The following ARL15 variants were observed in gnomAD, a reference collection of about 807,000 sequenced individuals.
ARL15 encodes the protein ARF like GTPase 15.
A neutral mutation model predicts 25.2 loss-of-function variants in ARL15; 19 were observed. The ratio of observed to expected loss-of-function variants is 0.75; its 90% CI spans 0.53 to 1.10. The LOEUF is 1.10. ARL15 is among the 50% of genes least tolerant of loss of function. The pLI is 0.00. For missense variants in ARL15, 220 were observed against 246.0 expected (o/e 0.89, Z 0.71); for synonymous variants, 94 against 86.8 (o/e 1.08, Z -0.46).
chr5:54,101,538 C>T (rs1752438141), intron 4 of ARL15, among the ~76,000 whole-genome samples: 1 of 152,010 alleles, frequency 6.6e-6, no homozygotes, highest in Non-Finnish European at 1.5e-5. Flanking sequence ...ATTAAAGAAG[C>T]CTGTATTTCC....
chr5:54,122,647 G>C (rs1753119971), intron 3 of ARL15, among the ~76,000 whole-genome samples: 1 of 152,174 alleles, frequency 6.6e-6, no homozygotes, highest in African/African-American at 2.4e-5. Flanking sequence ...ATGGGTTAAG[G>C]CAGGGGGTGC....
intron 1 of ARL15, among the ~76,000 whole-genome samples, chr5:54,205,015 AC>A (rs1297349692): frequency 2.0e-5 from 3 of 148,510 alleles, no homozygotes; most frequent in Non-Finnish European, 4.4e-5. Context: ...GCTCACTGCA[AC>A]CTCCACCTCC....
intron 1 of ARL15, among the ~76,000 whole-genome samples, chr5:54,292,386 G>A (rs1457883622): frequency 6.6e-6 from 1 of 152,148 alleles, no homozygotes; most frequent in Non-Finnish European, 1.5e-5. Flanking sequence ...CTATGTTTCT[G>A]ACATGTCGTG....
intron 4 of ARL15, among the ~76,000 whole-genome samples, chr5:53,943,690 T>C (rs971172022): frequency 9.9e-5 from 15 of 152,106 alleles, no homozygotes; most frequent in African/African-American, 3.6e-4. Flanking sequence ...AGTGGGTGGC[T>C]GAGATAGAGT....
chr5:54,196,258 A>G (rs947355645), intron 1 of ARL15, among the ~76,000 whole-genome samples: 4 of 152,108 alleles, frequency 2.6e-5, no homozygotes, highest in Non-Finnish European at 5.9e-5. Context: ...ACATTCATCA[A>G]AAAGATCACA....
intron 4 of ARL15, among the ~76,000 whole-genome samples, chr5:54,096,132 A>G (rs947111321): frequency 6.6e-6 from 1 of 152,222 alleles, no homozygotes. Context: ...TGCCTGATAC[A>G]ATGTATGTGA....
At chr5:54,115,621 C>G (rs1752876784) in intron 3 of ARL15, among the ~76,000 whole-genome samples, 4 of 151,992 alleles carry the variant, frequency 2.6e-5, no homozygotes, top group Admixed American at 2.6e-4. Context: ...ATTTTCAGGT[C>G]CTAAAATCTG....
chr5:54,106,200 A>C (rs1240036488), intron 4 of ARL15, among the ~76,000 whole-genome samples: 1 of 152,228 alleles, frequency 6.6e-6, no homozygotes, highest in Non-Finnish European at 1.5e-5. Context: ...ACTATGTATT[A>C]ACATGGTTAG....
At chr5:53,887,174 C>T (rs1744554841) in intron 4 of ARL15, among the ~76,000 whole-genome samples, 2 of 152,168 alleles carry the variant, frequency 1.3e-5, no homozygotes, top group East Asian at 1.9e-4. Context: ...CCATCAAGCA[C>T]ATAACACAAC....
chr5:54,270,091 T>G (rs1396190234), intron 1 of ARL15, among the ~76,000 whole-genome samples: 1 of 152,252 alleles, frequency 6.6e-6, no homozygotes, highest in Admixed American at 6.5e-5. Context: ...TGTAAAATCA[T>G]TCAATTCTTT....
At chr5:53,945,498 C>T (rs57015520) in intron 4 of ARL15, among the ~76,000 whole-genome samples, 3,216 of 152,218 alleles carry the variant, frequency 0.021, 107 homozygotes, top group African/African-American at 0.073. Flanking sequence ...TCCACTTTCT[C>T]AAACTACCTC....
chr5:54,293,527 T>C (rs1376182855), intron 1 of ARL15, among the ~76,000 whole-genome samples: 3 of 152,168 alleles, frequency 2.0e-5, no homozygotes, highest in Non-Finnish European at 4.4e-5. Flanking sequence ...AAATAACTCA[T>C]AGTAAAGTGA....
intron 4 of ARL15, among the ~76,000 whole-genome samples, chr5:53,922,566 G>A (rs911979290): frequency 1.3e-5 from 2 of 152,196 alleles, no homozygotes; most frequent in Non-Finnish European, 2.9e-5. Context: ...CAGTGCTGTA[G>A]TGCAGTTCTA....
intron 1 of ARL15, among the ~76,000 whole-genome samples, chr5:54,194,075 T>C (rs1046133469): frequency 1.3e-5 from 2 of 152,158 alleles, no homozygotes; most frequent in African/African-American, 4.8e-5. Context: ...TCGCCATGCA[T>C]TGGAATTATT....
At chr5:54,245,420 C>T (rs1420917527) in intron 1 of ARL15, among the ~76,000 whole-genome samples, 3 of 152,180 alleles carry the variant, frequency 2.0e-5, no homozygotes, top group Non-Finnish European at 2.9e-5. Flanking sequence ...TTTTTAAAAT[C>T]TCTTAAAAGA....
intron 1 of ARL15, among the ~76,000 whole-genome samples, chr5:54,279,961 T>A (rs77178311): frequency 6.0e-4 from 91 of 152,328 alleles, no homozygotes; most frequent in African/African-American, 2.0e-3. Flanking sequence ...ATGGCATTCG[T>A]GCAGAAATTG....
chr5:54,160,871 T>C (rs1441118070), intron 2 of ARL15, among the ~76,000 whole-genome samples: 1 of 152,208 alleles, frequency 6.6e-6, no homozygotes, highest in Non-Finnish European at 1.5e-5. Flanking sequence ...GTAGATTCTC[T>C]TTTCGAATGT....
At chr5:54,308,297 C>T (rs1038771641) in intron 1 of ARL15, among the ~76,000 whole-genome samples, 3 of 152,168 alleles carry the variant, frequency 2.0e-5, no homozygotes, top group African/African-American at 4.8e-5. Flanking sequence ...TAAACTGTTT[C>T]CTTTAAGATT....
intron 1 of ARL15, among the ~76,000 whole-genome samples, chr5:54,294,350 AG>A (rs1294672194): frequency 6.6e-6 from 1 of 152,224 alleles, no homozygotes; most frequent in East Asian, 1.9e-4. Flanking sequence ...AGTAGTTGAA[AG>A]AAAGACATAT....
Sources: gnomAD v4.1 joint callset for allele counts (sites outside exome capture counted in the v4.1 genomes callset) on GRCh38, gnomAD v4.1.1 for gene constraint, MANE v1.5 for transcripts, NCBI Gene and HGNC (gene_info 2026-07-23, HGNC 2026-07-21) for gene names.